The following ZNF184 variants were observed in gnomAD, a reference collection of about 807,000 sequenced individuals.
The protein encoded by ZNF184 is zinc finger protein 184.
ZNF184 carries 16 observed loss-of-function variants against 54.4 expected under a neutral mutation model. That is an observed-to-expected ratio of 0.29 (90% confidence interval 0.20 to 0.45). The LOEUF is 0.45. ZNF184 is among the 20% of genes least tolerant of loss of function. ZNF184 has a pLI of 1.00. For synonymous variants in ZNF184, 254 were observed against 295.3 expected, an observed-to-expected ratio of 0.86 and a Z score of 1.43; for missense variants, 681 against 888.2, an observed-to-expected ratio of 0.77 and a Z score of 2.97.
chr6:27,453,073 C>T lies in ZNF184; in HGVS notation c.486G>A (p.Lys162=), dbSNP rs745745727. The T allele has an allele frequency of 1.2e-6, 2 of 1,614,026 alleles. No individual in the cohort carries two copies. Among genetic ancestry groups the T allele is most frequent in the South Asian group, 2.2e-5 (2 of 91,068 alleles). ...RQQANQQTLP[K]EIKVTEKTIP... ...TTGTCTTTTCGGTTACCTTTATTTC[C>T]TTTGGCAGTGTCTGTTGGTTTGCCT... Residue 162 remains lysine, a synonymous_variant, in exon 6 of 6, where the codon AAG becomes AAA. Transcript: ENST00000683788. This position sits in a 1 kb window ranked among gnomAD's most constrained non-coding sequence, Gnocchi z 4.7.
the ZNF184 span, among the ~76,000 whole-genome samples, chr6:27,427,141 T>C: frequency 6.4e-5 from 7 of 109,744 alleles, no homozygotes; most frequent in East Asian, 1.3e-3. Flanking sequence ...AAAAAACAAT[T>C]AAAACAAGAA....
At chr6:27,448,753 A>G (rs1161240647), downstream of ZNF184, among the ~76,000 whole-genome samples, 1 of 119,096 alleles carries the variant, frequency 8.4e-6, no homozygotes, top group Non-Finnish European at 1.8e-5. Flanking sequence ...AAGTCATTAG[A>G]AATGCATTTC....
the ZNF184 span, among the ~76,000 whole-genome samples, chr6:27,420,224 C>A: frequency 6.6e-6 from 1 of 152,178 alleles, no homozygotes; most frequent in Admixed American, 6.5e-5. Flanking sequence ...AGGTACCCAA[C>A]AAACATTTGT....
In ZNF184 at chr6:27,451,538, T is replaced by A. The variant is rs1293815047; in HGVS notation, c.2021A>T (p.Glu674Val). Residue 674 changes from glutamate (E) to valine (V), a missense_variant, in exon 6 of 6, where the codon GAA becomes GTA. Coordinates refer to ENST00000683788, the MANE Select transcript of ZNF184 (RefSeq NM_001318891.2). ...HTGEKPYKCN[E>V]CDKAFSRSTH... is the part of the protein sequence containing the mutation. ...GCTCCGGCTAAAGGCTTTGTCACAT[T>A]CATTGCACTTATAGGGCTTCTCCCC... 8.7e-6 allele frequency: 14 copies of A among 1,614,156 alleles called. No homozygotes were observed. The highest frequency in any genetic ancestry group is 1.1e-5 in the Non-Finnish European group (13 of 1,179,996).
chr6:27,450,827 T>C lies in ZNF184; in HGVS notation c.*476A>G, dbSNP rs983950197. On this transcript the variant is annotated 3_prime_UTR_variant, in exon 6 of 6. Coordinates refer to ENST00000683788, the MANE Select transcript of ZNF184 (RefSeq NM_001318891.2). Reference sequence around the variant, plus strand: ...GAATTGTTAATTTGAGGGTATTTTATAATTCTTTTTATTAGGAACCAGTTA... The same window carrying C: ...GAATTGTTAATTTGAGGGTATTTTACAATTCTTTTTATTAGGAACCAGTTA... 1 of 150,352 alleles carries C rather than the reference T, an allele frequency of 6.7e-6. No homozygotes were observed. The highest frequency in any genetic ancestry group is 6.7e-5 in the Admixed American group (1 of 14,924). The allele number at this position is 150,352 out of a possible 1,614,324, so 9.3% of individuals were successfully genotyped here. A position where few individuals can be genotyped will look rare whatever the true frequency, so the allele number is the denominator to read the frequency against.
the ZNF184 span, among the ~76,000 whole-genome samples, chr6:27,415,693 C>T: frequency 2.0e-5 from 3 of 152,144 alleles, no homozygotes; most frequent in African/African-American, 7.2e-5. Context: ...CCAGGCTTCT[C>T]TTATCATGTA....
chr6:27,450,293 G>C (rs904593606), downstream of ZNF184, among the ~76,000 whole-genome samples: 1 of 152,150 alleles, frequency 6.6e-6, no homozygotes, highest in African/African-American at 2.4e-5. Flanking sequence ...AGGTGTTATG[G>C]ACTTAATATG....
rs766707646 is a variant in ZNF184 at position 27,453,168 on chromosome 6, T to C, written c.391A>G (p.Lys131Glu). 1.5e-5 allele frequency: 24 copies of C among 1,614,008 alleles called. No homozygotes were observed. The highest frequency in any genetic ancestry group is 1.3e-5 in the Non-Finnish European group (15 of 1,180,010). The change falls in exon 6 of 6, where the codon AAA (lysine) becomes GAA (glutamate). Residue 131 changes from lysine to glutamate, a missense_variant. Physicochemically the swap from Lys to Glu is moderately conservative, Grantham distance 56. Transcript: ENST00000683788. This position sits in a 1 kb window ranked among gnomAD's most constrained non-coding sequence, Gnocchi z 4.7. ...LSPEVIVEKHKRDDSWSSNLL... is the reference protein window; with the variant it reads ...LSPEVIVEKHERDDSWSSNLL... ...TTGGAACTCCAAGAATCATCTCTTT[T>C]GTGTTTTTCCACTATTACCTCTGGA... is the stretch of plus-strand genomic sequence containing the variant.
chr6:27,434,715 C>T, the ZNF184 span, among the ~76,000 whole-genome samples: 1 of 152,174 alleles, frequency 6.6e-6, no homozygotes, highest in Non-Finnish European at 1.5e-5. Flanking sequence ...GTATCATATT[C>T]AAGAAATCAC....
chr6:27,423,352 A>G, the ZNF184 span, among the ~76,000 whole-genome samples: 2 of 152,198 alleles, frequency 1.3e-5, no homozygotes. Context: ...TTCTTTTTCT[A>G]ACAAAGTGAT....
Position 27,452,200 on chromosome 6 carries a change from T to C in ZNF184, c.1359A>G (p.Lys453=), listed in dbSNP as rs745429781. The change falls in exon 6 of 6, where the codon AAA becomes AAG. Residue 453 remains lysine, a synonymous_variant. Transcript: ENST00000683788. The surrounding 1 kb of genome is among the most constrained non-coding windows in gnomAD (Gnocchi z 5.5). ...CAAGGGATGACCAGTAACTAAAAGATTTTCCACATTCTGCACAATCATAGG... is the reference window on the plus strand; with the variant it reads ...CAAGGGATGACCAGTAACTAAAAGACTTTCCACATTCTGCACAATCATAGG... ...EKPYDCAECG[K]SFSYWSSLAQ... 1 of 1,614,062 alleles carries C rather than the reference T, an allele frequency of 6.2e-7. No homozygotes were observed. Among genetic ancestry groups the C allele is most frequent in the South Asian group, 1.1e-5 (1 of 91,072 alleles).
At chr6:27,415,876 G>A in the ZNF184 span, among the ~76,000 whole-genome samples, 1 of 152,168 alleles carries the variant, frequency 6.6e-6, no homozygotes, top group Non-Finnish European at 1.5e-5. Flanking sequence ...TTAAACAACA[G>A]AAATGTATTG....
At chr6:27,426,500 C>T in the ZNF184 span, among the ~76,000 whole-genome samples, 2 of 152,176 alleles carry the variant, frequency 1.3e-5, no homozygotes, top group African/African-American at 4.8e-5. The surrounding 1 kb of genome is among the most constrained non-coding windows in gnomAD (Gnocchi z 4.2). Context: ...TGTTCACACC[C>T]ACCACTTAGC....
At chr6:27,423,639 A>C in the ZNF184 span, among the ~76,000 whole-genome samples, 1 of 96,188 alleles carries the variant, frequency 1.0e-5, no homozygotes, top group Non-Finnish European at 2.4e-5. Context: ...GAAAAGCCAA[A>C]AAAACAAAAA....
chr6:27,422,887 C>A, the ZNF184 span, among the ~76,000 whole-genome samples: 1 of 152,192 alleles, frequency 6.6e-6, no homozygotes. Flanking sequence ...ACAGCTTTCT[C>A]CCTCGTCCGC....
At chr6:27,409,243 T>C in the ZNF184 span, among the ~76,000 whole-genome samples, 4 of 152,248 alleles carry the variant, frequency 2.6e-5, no homozygotes, top group Admixed American at 1.3e-4. Context: ...CTCATGCCTG[T>C]AATCCCAGCG....
chr6:27,466,598 T>C (rs1458704571), intron 3 of ZNF184, among the ~76,000 whole-genome samples: 1 of 152,090 alleles, frequency 6.6e-6, no homozygotes, highest in South Asian at 2.1e-4. Flanking sequence ...AATGGTTTCA[T>C]GAATGTATAC....
the ZNF184 span, among the ~76,000 whole-genome samples, chr6:27,418,660 C>A: frequency 0.048 from 7,244 of 151,926 alleles, 201 homozygotes; most frequent in African/African-American, 0.081. Context: ...AGATTTTTTT[C>A]TTTTCTGAAT....
chr6:27,465,872 A>C (rs1039284798), intron 3 of ZNF184, among the ~76,000 whole-genome samples: 1 of 151,858 alleles, frequency 6.6e-6, no homozygotes, highest in Admixed American at 6.6e-5. Flanking sequence ...AGACTTGAAC[A>C]CTATCAACTA....
Sources: allele counts gnomAD v4.1 joint callset (sites outside exome capture counted in the v4.1 genomes callset), GRCh38; gene constraint gnomAD v4.1.1; non-coding constraint Gnocchi (gnomAD v3.1); transcripts MANE v1.5; gene names NCBI Gene and HGNC (gene_info 2026-07-23, HGNC 2026-07-21).